The following WDR62 variants were observed in gnomAD, a reference collection of about 807,000 sequenced individuals.
WDR62 encodes WD repeat domain 62, also known as WD repeat-containing protein 62.
Under a neutral mutation model 160.6 loss-of-function variants are expected in WDR62, and 112 were observed. The ratio of observed to expected loss-of-function variants is 0.70; its 90% CI spans 0.60 to 0.82. The LOEUF (loss-of-function observed/expected upper bound fraction) is 0.82, where lower values mean the gene tolerates loss of function less well. Among genes scored for constraint, WDR62 ranks in the 40% least tolerant of loss-of-function variants. The probability of loss-of-function intolerance (pLI) is 0.00; values close to 1 mark genes in which losing one functional copy is unlikely to be tolerated. For missense variants in WDR62, 1,819 were observed against 1,983.8 expected (o/e 0.92, Z 1.58); for synonymous variants, 792 against 815.1 (o/e 0.97, Z 0.48).
In WDR62 at chr19:36,067,960, C is replaced by T. The variant is rs772572061; in HGVS notation, c.832C>T (p.Leu278Phe). The change falls in exon 7 of 32, where the codon CTC (leucine) becomes TTC (phenylalanine). Residue 278 changes from leucine to phenylalanine, a missense_variant. Leu to Phe is a conservative substitution (Grantham distance 22, BLOSUM62 0). Coordinates refer to ENST00000401500, the MANE Select transcript of WDR62 (RefSeq NM_001083961.2). ...STFCVSYSGLLCQFNEKRVLE... is the reference protein window; with the variant it reads ...STFCVSYSGLFCQFNEKRVLE... ...CTTCTGTGTGTCCTACTCGGGCCTC[C>T]TCTGCCAGTTCAATGAGAAGAGGGT... is the stretch of plus-strand genomic sequence containing the variant. The T allele has an allele frequency of 6.2e-7, 1 of 1,614,182 alleles. No individual in the cohort carries two copies. Among genetic ancestry groups the T allele is most frequent in the Non-Finnish European group, 8.5e-7 (1 of 1,180,036 alleles).
In WDR62 at chr19:36,055,047, C is replaced by G; in HGVS notation, c.76C>G (p.Pro26Ala). ...GCTGCCCTCTGTCATGGCGGGAGTTCCGGCGCGGAGGGGCCAGTCCTCCCC... is the reference window on the plus strand; with the variant it reads ...GCTGCCCTCTGTCATGGCGGGAGTTGCGGCGCGGAGGGGCCAGTCCTCCCC... Reference protein sequence around the residue: ...EKLPSVMAGVPARRGQSSPPP... With the variant: ...EKLPSVMAGVAARRGQSSPPP... The change falls in exon 1 of 32, where the codon CCG becomes GCG. Residue 26 changes from proline to alanine, a missense_variant. Pro to Ala is a conservative substitution (Grantham distance 27). This residue lies in a region of WDR62 where 115 missense variants were observed against 92.4 expected (regional missense o/e 1.24). Transcript: ENST00000401500. 1 of 1,591,176 alleles carries G rather than the reference C, an allele frequency of 6.3e-7. No homozygotes were observed. Among genetic ancestry groups the G allele is most frequent in the Non-Finnish European group, 8.5e-7 (1 of 1,170,506 alleles).
At chr19:36,076,648 G>T (rs1272445968) in intron 9 of WDR62, among the ~76,000 whole-genome samples, 1 of 151,990 alleles carries the variant, frequency 6.6e-6, no homozygotes, top group East Asian at 1.9e-4. Flanking sequence ...GGGTGTTAGG[G>T]ATGCTCATCG....
intron 7 of WDR62, among the ~76,000 whole-genome samples, chr19:36,068,384 C>T (rs868304207): frequency 7.9e-5 from 12 of 151,452 alleles, no homozygotes; most frequent in Admixed American, 2.6e-4. Context: ...TTTTATTGAT[C>T]ATTCTTGGGT....
At chr19:36,091,643 C>T (rs1038892527) in intron 18 of WDR62, among the ~76,000 whole-genome samples, 178 bp downstream of exon 18, 1 of 152,170 alleles carries the variant, frequency 6.6e-6, no homozygotes, top group Non-Finnish European at 1.5e-5. Context: ...ACGCCTGTAA[C>T]CCCAGCACTT....
intron 5 of WDR62, 59 bp from the exon 6 acceptor site, chr19:36,067,247 G>A: frequency 6.2e-7 from 1 of 1,611,714 alleles, no homozygotes; most frequent in Non-Finnish European, 8.5e-7. Context: ...GAGGGCAAAG[G>A]CACAAACAGT....
downstream of WDR62, among the ~76,000 whole-genome samples, chr19:36,105,521 A>G (rs1191844673): frequency 6.6e-6 from 1 of 151,348 alleles, no homozygotes; most frequent in Non-Finnish European, 1.5e-5. Flanking sequence ...TGGTGTCCCC[A>G]TCTGCAACAG....
chr19:36,102,612 CT>C, intron 26 of WDR62, 124 bp from the exon 27 acceptor site: 1 of 783,194 alleles, frequency 1.3e-6, no homozygotes, highest in Non-Finnish European at 2.1e-6. Flanking sequence ...CCCACTGCCC[CT>C]GCTCGTACCC....
chr19:36,061,278 G>A (rs1270958369), intron 3 of WDR62: 1 of 152,156 alleles, frequency 6.6e-6, no homozygotes. Flanking sequence ...TGGCTCAAGC[G>A]TCTATTCACT....
Position 36,057,617 on chromosome 19 carries a change from C to G in WDR62, c.178-1163C>G, listed in dbSNP as rs1321609213. On this transcript the variant is annotated intron_variant, in intron 1 of 31. Transcript: ENST00000401500. ...GCAACCTCCGCCTCCTGGGTTCAAG[C>G]GATTTTACTGCCTCAGCCTCCTGAG... is the stretch of plus-strand genomic sequence containing the variant. Among the ~76,000 whole-genome samples, 8 of 151,984 alleles carry G rather than the reference C, an allele frequency of 5.3e-5. No homozygotes were observed. The East Asian group carries it at 1.4e-3, about 26-fold the overall frequency.
chr19:36,105,543 G>T (rs754373750), downstream of WDR62, among the ~76,000 whole-genome samples: 2 of 151,646 alleles, frequency 1.3e-5, no homozygotes, highest in Non-Finnish European at 2.9e-5. Context: ...GGAAACTGAG[G>T]ACCCATGAAC....
At chr19:36,083,528 C>G (rs1042633342) in intron 11 of WDR62, among the ~76,000 whole-genome samples, 3 of 152,192 alleles carry the variant, frequency 2.0e-5, no homozygotes, top group African/African-American at 7.2e-5. Flanking sequence ...GTGACACTTT[C>G]ACCAGCCACA....
At chr19:36,068,717 C>G (rs1599762786) in intron 7 of WDR62, among the ~76,000 whole-genome samples, 1 of 152,254 alleles carries the variant, frequency 6.6e-6, no homozygotes. Flanking sequence ...AAGAATTTTT[C>G]TTAGTACAGA....
Position 36,104,935 on chromosome 19 carries a change from G to T in WDR62, c.4479G>T (p.Leu1493=). ...PSPGPPSPPT[L]YPLASPDLQA... ...CAGGACCCCCGTCCCCACCGACGCT[G>T]TACCCCCTGGCCAGCCCAGACCTGC... The change falls in exon 32 of 32, where the codon CTG becomes CTT. Residue 1493 remains leucine, a synonymous_variant. Coordinates refer to ENST00000401500, the MANE Select transcript of WDR62 (RefSeq NM_001083961.2). The T allele has an allele frequency of 1.2e-6, 2 of 1,608,372 alleles. No homozygotes were observed. Among genetic ancestry groups the T allele is most frequent in the Non-Finnish European group, 1.7e-6 (2 of 1,178,746 alleles).
At position 36,103,042 on chromosome 19, in the gene WDR62, G is replaced by C; in HGVS notation, c.3430G>C (p.Gly1144Arg). Residue 1144 changes from glycine (G) to arginine (R), a missense_variant, in exon 28 of 32, where the codon GGT becomes CGT. Gly to Arg is a moderately radical substitution (Grantham distance 125). This residue lies in a region of WDR62 where 770 missense variants were observed against 734.2 expected (regional missense o/e 1.05). Transcript: ENST00000401500. ...MDRGGSQPRA[G>R]TGYASPDRTH... ...CCGAGGCGGAAGCCAGCCCAGAGCA[G>C]GTACTGGCTACGCCTCCCCAGACAG... 1 of 1,614,142 alleles carries C rather than the reference G, an allele frequency of 6.2e-7. No homozygotes were observed. Among genetic ancestry groups the C allele is most frequent in the Non-Finnish European group, 8.5e-7 (1 of 1,180,028 alleles).
chr19:36,079,672 C>T (rs971357744), intron 9 of WDR62, among the ~76,000 whole-genome samples: 3 of 152,232 alleles, frequency 2.0e-5, no homozygotes, highest in Non-Finnish European at 2.9e-5. Flanking sequence ...GCCCAGTGTG[C>T]TTTCCAATGA....
At chr19:36,059,192 T>C in intron 2 of WDR62, 1 of 495,216 alleles carries the variant, frequency 2.0e-6, no homozygotes, top group South Asian at 1.6e-5. Flanking sequence ...CCATGTATGC[T>C]GCTCTCTGAG....
At chr19:36,092,119 TG>T (rs1972651542) in intron 18 of WDR62, among the ~76,000 whole-genome samples, 1 of 152,080 alleles carries the variant, frequency 6.6e-6, no homozygotes, top group Non-Finnish European at 1.5e-5. Context: ...AAGACCAGCC[TG>T]GTCAACATGG....
intron 7 of WDR62, chr19:36,070,869 G>A (rs1971258133): frequency 6.5e-6 from 1 of 153,072 alleles, no homozygotes; most frequent in East Asian, 1.9e-4. Context: ...TACCGCTTTG[G>A]AGTACAGTCT....
intron 19 of WDR62, 24 bp downstream of exon 19, chr19:36,092,835 A>T: frequency 6.2e-7 from 1 of 1,613,574 alleles, no homozygotes; most frequent in Non-Finnish European, 8.5e-7. Flanking sequence ...CTGCCTGTCC[A>T]CCAGAGGGAT....
Sources: gnomAD v4.1 joint callset for allele counts (sites outside exome capture counted in the v4.1 genomes callset) on GRCh38, gnomAD v4.1.1 for gene constraint, gnomAD v4.1.1 regional missense constraint, MANE v1.5 for transcripts, NCBI Gene and HGNC (gene_info 2026-07-23, HGNC 2026-07-21) for gene names.